Variants in CPT1A observed in about 807,000 individuals in gnomAD.
CPT1A encodes carnitine O-palmitoyltransferase 1, liver isoform.
CPT1A carries 64 observed loss-of-function variants against 100.8 expected under a neutral mutation model. The ratio of observed to expected loss-of-function variants is 0.63; its 90% CI spans 0.52 to 0.78. The LOEUF is 0.78. CPT1A is among the 30% of genes least tolerant of loss of function. CPT1A has a pLI of 0.00. For missense variants in CPT1A, 802 were observed against 1,034.1 expected, an observed-to-expected ratio of 0.78 and a Z score of 3.08; for synonymous variants, 363 against 396.0, an observed-to-expected ratio of 0.92 and a Z score of 0.99.
At chr11:68,766,062 C>T (rs1436152309) in intron 14 of CPT1A, among the ~76,000 whole-genome samples, 5 of 151,860 alleles carry the variant, frequency 3.3e-5, no homozygotes, top group East Asian at 1.9e-4. Flanking sequence ...AGTAGAGACG[C>T]GTTTCCCCAT....
At chr11:68,802,359 C>T (rs533352533) in intron 5 of CPT1A, among the ~76,000 whole-genome samples, 57 of 151,102 alleles carry the variant, frequency 3.8e-4, no homozygotes, top group African/African-American at 1.2e-3. Context: ...AAAAAAAGAC[C>T]GAAGCAGGTA....
chr11:68,803,921 C>G, intron 5 of CPT1A, 79 bp downstream of exon 5: 1 of 1,128,186 alleles, frequency 8.9e-7, no homozygotes, highest in South Asian at 1.2e-5. Flanking sequence ...ATGGCGGTGA[C>G]CTAGTTCATC....
At chr11:68,804,151 G>C (rs1173373407) in intron 4 of CPT1A, 50 bp from the exon 5 acceptor site, 5 of 1,419,288 alleles carry the variant, frequency 3.5e-6, no homozygotes, top group Non-Finnish European at 5.0e-6. Flanking sequence ...TACTCTGAAG[G>C]CACCTGTTCT....
At chr11:68,763,541 G>C (rs1854696680) in intron 14 of CPT1A, among the ~76,000 whole-genome samples, 1 of 152,166 alleles carries the variant, frequency 6.6e-6, no homozygotes, top group South Asian at 2.1e-4. Flanking sequence ...GGCGGGAAGT[G>C]GGTGGGGCCG....
chr11:68,775,448 C>G lies in CPT1A; in HGVS notation c.1459-16G>C. 1 of 1,581,998 alleles carries G rather than the reference C, an allele frequency of 6.3e-7. No homozygotes were observed. The highest frequency in any genetic ancestry group is 8.7e-7 in the Non-Finnish European group (1 of 1,150,570). On this transcript the variant is annotated splice_polypyrimidine_tract_variant and intron_variant, in intron 12 of 18. Transcript: ENST00000265641. ...ACATGACGTACTGTCAAAAATAGAACAAAATTATTAAAACTAACAGTGGTA... is the reference window on the plus strand; with the variant it reads ...ACATGACGTACTGTCAAAAATAGAAGAAAATTATTAAAACTAACAGTGGTA...
chr11:68,826,599 G>A (rs1027815893), intron 1 of CPT1A, among the ~76,000 whole-genome samples: 11 of 150,626 alleles, frequency 7.3e-5, no homozygotes, highest in Non-Finnish European at 7.4e-5. Flanking sequence ...TTAGCCGGGC[G>A]TGGTGGCGGG....
At chr11:68,821,865 G>A (rs1216406074) in intron 1 of CPT1A, among the ~76,000 whole-genome samples, 2 of 152,112 alleles carry the variant, frequency 1.3e-5, no homozygotes, top group East Asian at 3.9e-4. Context: ...GATAAGGGGG[G>A]ACCACTGCAA....
At chr11:68,822,486 T>C (rs1444214377) in intron 1 of CPT1A, among the ~76,000 whole-genome samples, 1 of 151,716 alleles carries the variant, frequency 6.6e-6, no homozygotes, top group Non-Finnish European at 1.5e-5. Flanking sequence ...TGAGCTGTGA[T>C]TGCACCACTG....
Position 68,810,914 on chromosome 11 carries a change from G to A in CPT1A, c.281+1523C>T, listed in dbSNP as rs11228361. Among the ~76,000 whole-genome samples the A allele has an allele frequency of 5.2e-3, 786 of 152,088 alleles. 43 individuals carry two copies. In the East Asian group the frequency reaches 0.12, roughly 22 times the overall value. On this transcript the variant is annotated intron_variant, in intron 3 of 18. Coordinates refer to ENST00000265641, the MANE Select transcript of CPT1A (RefSeq NM_001876.4). ...GCAGGAGAATTGCTTGAACCCGGGA[G>A]GCGGAGGTTGCAGTGAGCCGAGATC... is the stretch of plus-strand genomic sequence containing the variant.
intron 2 of CPT1A, 100 bp downstream of exon 2, chr11:68,815,234 C>T: frequency 1.7e-6 from 2 of 1,188,904 alleles, no homozygotes; most frequent in Non-Finnish European, 1.2e-6. Flanking sequence ...AAGTGATATG[C>T]AGTCGCCAGT....
upstream of CPT1A, among the ~76,000 whole-genome samples, chr11:68,842,345 G>C (rs187580623): frequency 0.01 from 1,573 of 152,142 alleles, 30 homozygotes; most frequent in African/African-American, 0.036. Flanking sequence ...GGAGTGGTGG[G>C]GCGCGCCTGT....
At chr11:68,822,046 C>T (rs1031678339) in intron 1 of CPT1A, among the ~76,000 whole-genome samples, 1 of 152,092 alleles carries the variant, frequency 6.6e-6, no homozygotes, top group Non-Finnish European at 1.5e-5. Flanking sequence ...GGTGCAGCCA[C>T]GTTGGCAAAC....
At chr11:68,831,149 A>C (rs1157982139) in intron 1 of CPT1A, among the ~76,000 whole-genome samples, 1 of 152,126 alleles carries the variant, frequency 6.6e-6, no homozygotes. Flanking sequence ...CTCCATAATC[A>C]ATTCCTTTTA....
intron 1 of CPT1A, among the ~76,000 whole-genome samples, chr11:68,840,891 G>T (rs1259868928): frequency 6.6e-6 from 1 of 152,172 alleles, no homozygotes; most frequent in African/African-American, 2.4e-5. Context: ...ACCCTCCCGC[G>T]GCCCCGCCGC....
chr11:68,806,018 ATTTT>A (rs539379303), intron 4 of CPT1A, among the ~76,000 whole-genome samples: 4 of 139,192 alleles, frequency 2.9e-5, no homozygotes, highest in African/African-American at 5.4e-5. Context: ...AAGCCCATAA[ATTTT>A]TTTTTTTTTT....
chr11:68,839,640 G>A (rs1378346897), intron 1 of CPT1A: 1 of 985,490 alleles, frequency 1.0e-6, no homozygotes, highest in Non-Finnish European at 1.2e-6. Flanking sequence ...TGCATCCAAC[G>A]AGCCAGAAAC....
intron 9 of CPT1A, among the ~76,000 whole-genome samples, chr11:68,788,924 C>T (rs906253460): frequency 3.3e-5 from 5 of 152,238 alleles, no homozygotes; most frequent in South Asian, 2.1e-4. Context: ...CCAGGGCAGC[C>T]GGCAAGCCAA....
At chr11:68,798,082 G>T (rs1015291219) in intron 6 of CPT1A, among the ~76,000 whole-genome samples, 2 of 152,210 alleles carry the variant, frequency 1.3e-5, no homozygotes, top group African/African-American at 4.8e-5. Context: ...GTCCCAGTCC[G>T]TGGCACTAAC....
intron 1 of CPT1A, among the ~76,000 whole-genome samples, chr11:68,816,916 TGTGTGTGTGGG>T (rs1451844531): frequency 0.051 from 551 of 10,806 alleles, 2 homozygotes; most frequent in Middle Eastern, 0.091. Context: ...GTGTGTGTGG[TGTGTGTGTGGG>T]TGTGTGTGTG....
Sources: allele counts gnomAD v4.1 joint callset (sites outside exome capture counted in the v4.1 genomes callset), GRCh38; gene constraint gnomAD v4.1.1; transcripts MANE v1.5; gene names NCBI Gene and HGNC (gene_info 2026-07-23, HGNC 2026-07-21).